RORA: variants seen among roughly 807,000 people sequenced by gnomAD.
RORA encodes the protein RAR related orphan receptor A.
Under a neutral mutation model 69.5 loss-of-function variants are expected in RORA, and 7 were observed. The ratio of observed to expected loss-of-function variants is 0.10; its 90% CI spans 0.06 to 0.19. RORA has a LOEUF of 0.19. Among genes scored for constraint, RORA ranks in the 10% least tolerant of loss-of-function variants. The pLI is 1.00. For synonymous variants in RORA, 261 were observed against 240.8 expected (o/e 1.08, Z -0.78); for missense variants, 457 against 663.0 (o/e 0.69, Z 3.41).
At chr15:61,151,087 T>C (rs889212798) in intron 1 of RORA, among the ~76,000 whole-genome samples, 18 of 44,532 alleles carry the variant, frequency 4.0e-4, no homozygotes, top group Non-Finnish European at 7.0e-4. Context: ...ACATCACCAA[T>C]AGATCATGAA....
Position 61,137,097 on chromosome 15 carries a change from A to AAGAGAGAG in RORA, c.166+91955_166+91956insCTCTCTCT, listed in dbSNP as rs1267259371. The stretch of plus-strand genomic sequence containing the variant: ...AAAGAAAGAAAGAAAGAAAGAAAGA[A>AAGAGAGAG]AGAAAAAAGCAAGGGTGTCCAGGGT... On this transcript the variant is annotated intron_variant, in intron 1 of 10. Transcript: ENST00000335670. 1.2e-3 allele frequency among the ~76,000 whole-genome samples: 182 copies of AAGAGAGAG among 150,016 alleles called. 3 individuals carry two copies. The highest frequency in any genetic ancestry group is 4.2e-3 in the African/African-American group (169 of 39,924).
At chr15:61,165,369 C>T (rs1448100775) in intron 1 of RORA, among the ~76,000 whole-genome samples, 1 of 152,188 alleles carries the variant, frequency 6.6e-6, no homozygotes, top group African/African-American at 2.4e-5. Flanking sequence ...CAGCTCCCCT[C>T]TTTATTTCCA....
intron 1 of RORA, among the ~76,000 whole-genome samples, chr15:61,207,503 G>C (rs561556192): frequency 6.6e-6 from 1 of 152,296 alleles, no homozygotes; most frequent in Non-Finnish European, 1.5e-5. Context: ...AACATGAAAA[G>C]AACAACACAC....
chr15:60,768,827 G>A (rs2072026923), intron 1 of RORA, among the ~76,000 whole-genome samples: 1 of 152,198 alleles, frequency 6.6e-6, no homozygotes, highest in African/African-American at 2.4e-5. Context: ...GCTGACTTTG[G>A]CAATGATGTG....
intron 3 of RORA, among the ~76,000 whole-genome samples, chr15:60,516,136 T>C: frequency 1.4e-5 from 1 of 70,112 alleles, no homozygotes; most frequent in African/African-American, 5.6e-5. Context: ...ATTAAATATA[T>C]TTATATATAT....
At chr15:60,873,853 A>G (rs1176053606) in intron 1 of RORA, among the ~76,000 whole-genome samples, 1 of 152,234 alleles carries the variant, frequency 6.6e-6, no homozygotes, top group Non-Finnish European at 1.5e-5. Context: ...GGTAATAGGT[A>G]TAAAATATCA....
intron 1 of RORA, among the ~76,000 whole-genome samples, chr15:60,922,755 T>C (rs1482051): frequency 0.66 from 100,802 of 152,102 alleles, 33,772 homozygotes; most frequent in East Asian, 0.87. Flanking sequence ...GTCATGAAGC[T>C]TCCTAAAAAC....
chr15:60,551,167 A>G (rs946224357), intron 2 of RORA, among the ~76,000 whole-genome samples: 3 of 152,158 alleles, frequency 2.0e-5, no homozygotes, highest in African/African-American at 7.2e-5. Flanking sequence ...ATCTAGGCAC[A>G]TTTATTTTCA....
intron 1 of RORA, among the ~76,000 whole-genome samples, chr15:60,796,806 C>T (rs1000494591): frequency 1.3e-4 from 20 of 151,810 alleles, no homozygotes; most frequent in Middle Eastern, 3.4e-3. Flanking sequence ...ACTGATGAGT[C>T]GATAGACAAA....
At chr15:61,051,557 C>T (rs1288656277) in intron 1 of RORA, among the ~76,000 whole-genome samples, 3 of 152,170 alleles carry the variant, frequency 2.0e-5, no homozygotes, top group Non-Finnish European at 4.4e-5. Flanking sequence ...ACCTTCTGGA[C>T]AGGAATCCTA....
At chr15:60,620,501 T>G (rs1048599819) in intron 2 of RORA, among the ~76,000 whole-genome samples, 1 of 152,202 alleles carries the variant, frequency 6.6e-6, no homozygotes, top group Non-Finnish European at 1.5e-5. Flanking sequence ...TTAAGTAACA[T>G]GGTAATGTCC....
chr15:61,051,026 C>T (rs576521430), intron 1 of RORA, among the ~76,000 whole-genome samples: 1 of 152,276 alleles, frequency 6.6e-6, no homozygotes, highest in East Asian at 1.9e-4. Context: ...GAGGGTAGTG[C>T]TCTCTAGGCT....
At chr15:60,630,688 G>A (rs992678614) in intron 2 of RORA, 1 of 152,234 alleles carries the variant, frequency 6.6e-6, no homozygotes, top group Non-Finnish European at 1.5e-5. Context: ...TGAAGTCCCA[G>A]CAGGTAAGTG....
chr15:61,214,446 C>T (rs1596077298), intron 1 of RORA, among the ~76,000 whole-genome samples: 1 of 152,170 alleles, frequency 6.6e-6, no homozygotes, highest in East Asian at 1.9e-4. Flanking sequence ...AGCAAATTCG[C>T]TTTCAATATA....
chr15:60,704,093 C>T (rs78164583), intron 1 of RORA, among the ~76,000 whole-genome samples: 1 of 152,138 alleles, frequency 6.6e-6, no homozygotes, highest in Non-Finnish European at 1.5e-5. Flanking sequence ...TCTAATACAA[C>T]GTGCTTTAAA....
intron 1 of RORA, among the ~76,000 whole-genome samples, chr15:61,087,738 G>A (rs1225059563): frequency 6.6e-6 from 1 of 152,190 alleles, no homozygotes; most frequent in African/African-American, 2.4e-5. Flanking sequence ...CACACCAGAG[G>A]TTAGCTTTAC....
At chr15:60,740,615 G>A (rs111419031) in intron 1 of RORA, among the ~76,000 whole-genome samples, 2 of 152,278 alleles carry the variant, frequency 1.3e-5, no homozygotes, top group African/African-American at 4.8e-5. Context: ...ATGTGGAGGA[G>A]CTGTTGAAAC....
At chr15:60,991,397 C>T (rs1894371982) in intron 1 of RORA, among the ~76,000 whole-genome samples, 2 of 152,082 alleles carry the variant, frequency 1.3e-5, no homozygotes, top group Admixed American at 6.5e-5. Context: ...TAATAGGCTT[C>T]AGTTAGAGAG....
At chr15:61,114,037 T>A (rs772975445) in intron 1 of RORA, among the ~76,000 whole-genome samples, 3 of 152,186 alleles carry the variant, frequency 2.0e-5, no homozygotes, top group Non-Finnish European at 4.4e-5. Flanking sequence ...ACGCCAGCAA[T>A]ATGGTCTCAA....
Sources: gnomAD v4.1 joint callset for allele counts (sites outside exome capture counted in the v4.1 genomes callset) on GRCh38, gnomAD v4.1.1 for gene constraint, MANE v1.5 for transcripts, NCBI Gene and HGNC (gene_info 2026-07-23, HGNC 2026-07-21) for gene names.